Variants in SPON1 observed in about 807,000 individuals in gnomAD.
SPON1 encodes the protein spondin-1.
In SPON1, 52 loss-of-function variants were observed where a neutral mutation model predicts 111.7. That is an observed-to-expected ratio of 0.47 (90% CI 0.37 to 0.59). The LOEUF (loss-of-function observed/expected upper bound fraction) is 0.59. Ranked by LOEUF, SPON1 falls within the 20% of genes least tolerant of loss-of-function variation. The probability of loss-of-function intolerance (pLI) is 0.00; values close to 1 mark genes in which losing one functional copy is unlikely to be tolerated. For synonymous variants in SPON1, 410 were observed against 395.8 expected (o/e 1.04, Z -0.43); for missense variants, 957 against 1,068.5 (o/e 0.90, Z 1.46).
At chr11:14,226,849 G>A (rs191153118) in intron 6 of SPON1, among the ~76,000 whole-genome samples, 15 of 152,242 alleles carry the variant, frequency 9.9e-5, no homozygotes, top group East Asian at 9.7e-4. Flanking sequence ...TGGTTCCTTC[G>A]GGAGGCTCCA....
chr11:14,006,661 T>C (rs1205065153), intron 2 of SPON1, among the ~76,000 whole-genome samples: 1 of 152,160 alleles, frequency 6.6e-6, no homozygotes, highest in African/African-American at 2.4e-5. Context: ...CTTCCCTCCT[T>C]AGCTAAGCTC....
At chr11:14,238,042 AG>A (rs1490824383) in intron 6 of SPON1, among the ~76,000 whole-genome samples, 3 of 152,248 alleles carry the variant, frequency 2.0e-5, no homozygotes, top group Non-Finnish European at 4.4e-5. Context: ...TGTGTTTCTG[AG>A]GATTAAAACG....
chr11:14,253,735 T>A (rs1040307128), intron 7 of SPON1, among the ~76,000 whole-genome samples: 3 of 152,254 alleles, frequency 2.0e-5, no homozygotes, highest in African/African-American at 2.4e-5. Flanking sequence ...CCCTCCTAGC[T>A]GTGTCTATTA....
rs1468548983 is a variant in SPON1 at position 14,268,088 on chromosome 11, A to G, written c.*2401A>G. Among the ~76,000 whole-genome samples, 1 of 152,218 alleles carries G rather than the reference A, an allele frequency of 6.6e-6. No homozygotes were observed. The highest frequency in any genetic ancestry group is 2.4e-5 in the African/African-American group (1 of 41,464). ...AATGGGAATAAACCTGGGTTTCTAT[A>G]GACCCAGAACTGAAAAAATAAACAT... On this transcript the variant is annotated 3_prime_UTR_variant, in exon 16 of 16. Transcript: ENST00000576479.
chr11:14,076,540 A>T (rs1477089046), intron 4 of SPON1, among the ~76,000 whole-genome samples: 8 of 152,164 alleles, frequency 5.3e-5, no homozygotes, highest in Admixed American at 5.2e-4. Context: ...TATTTTATGG[A>T]TGAGGGGCCT....
intron 6 of SPON1, among the ~76,000 whole-genome samples, chr11:14,199,206 T>C (rs1356973325): frequency 6.6e-6 from 1 of 152,190 alleles, no homozygotes; most frequent in Non-Finnish European, 1.5e-5. Flanking sequence ...GTCCCCTAGA[T>C]ACTTTCTTAA....
At chr11:14,172,127 A>T (rs1346521082) in intron 6 of SPON1, among the ~76,000 whole-genome samples, 1 of 151,478 alleles carries the variant, frequency 6.6e-6, no homozygotes, top group African/African-American at 2.4e-5. Flanking sequence ...GTGGGAGTCT[A>T]AGTCTCTTTG....
intron 6 of SPON1, among the ~76,000 whole-genome samples, chr11:14,151,705 T>C (rs1847790137): frequency 6.6e-6 from 1 of 152,212 alleles, no homozygotes; most frequent in African/African-American, 2.4e-5. Context: ...AATTATAAAC[T>C]ATAAATCACA....
At chr11:14,149,150 C>A (rs1847758863) in intron 6 of SPON1, among the ~76,000 whole-genome samples, 2 of 152,028 alleles carry the variant, frequency 1.3e-5, no homozygotes. Context: ...GCATTGTTAT[C>A]CTAGAAGCTG....
intron 6 of SPON1, among the ~76,000 whole-genome samples, chr11:14,199,707 C>T (rs1848441030): frequency 2.6e-5 from 4 of 152,206 alleles, no homozygotes; most frequent in Admixed American, 2.6e-4. Flanking sequence ...TTTTCTCCTG[C>T]TAATGTGCAT....
chr11:14,023,572 T>C (rs1283970013), intron 2 of SPON1, among the ~76,000 whole-genome samples: 1 of 152,124 alleles, frequency 6.6e-6, no homozygotes, highest in Admixed American at 6.5e-5. Flanking sequence ...TTTTCTCAGC[T>C]ATGGATTTGT....
chr11:14,239,436 CAG>C (rs1848900364), intron 6 of SPON1, among the ~76,000 whole-genome samples: 1 of 152,104 alleles, frequency 6.6e-6, no homozygotes, highest in African/African-American at 2.4e-5. Flanking sequence ...TGCCAAAAAA[CAG>C]AGTTTGGCAG....
At chr11:14,010,616 G>A (rs1848396622) in intron 2 of SPON1, among the ~76,000 whole-genome samples, 3 of 152,222 alleles carry the variant, frequency 2.0e-5, no homozygotes, top group African/African-American at 7.2e-5. Flanking sequence ...CTGTGTGCAT[G>A]CTTATACGTG....
intron 10 of SPON1, among the ~76,000 whole-genome samples, chr11:14,257,077 G>A (rs1554941299): frequency 3.3e-5 from 5 of 152,118 alleles, no homozygotes; most frequent in Non-Finnish European, 7.4e-5. Flanking sequence ...AGGAGGGAGC[G>A]ACAGAGTCAT....
At chr11:14,233,899 A>G (rs942222518) in intron 6 of SPON1, among the ~76,000 whole-genome samples, 1 of 150,758 alleles carries the variant, frequency 6.6e-6, no homozygotes, top group Admixed American at 6.7e-5. Context: ...AGTAGCTGGG[A>G]TTACAGGTGC....
At chr11:14,240,838 T>C (rs960414873) in intron 6 of SPON1, among the ~76,000 whole-genome samples, 12 of 152,208 alleles carry the variant, frequency 7.9e-5, no homozygotes, top group African/African-American at 2.2e-4. Context: ...CAGGATCTGA[T>C]ATCTTGGATT....
At chr11:14,252,750 G>T (rs1403032811) in intron 7 of SPON1, among the ~76,000 whole-genome samples, 1 of 152,284 alleles carries the variant, frequency 6.6e-6, no homozygotes, top group African/African-American at 2.4e-5. Flanking sequence ...CTGAAGGCAG[G>T]CAGAAAGGCT....
chr11:14,143,322 G>T (rs183328620), intron 6 of SPON1, among the ~76,000 whole-genome samples: 8 of 152,288 alleles, frequency 5.3e-5, no homozygotes, highest in Admixed American at 2.6e-4. Flanking sequence ...AGTATTTTGG[G>T]AGGCTGAGGT....
intron 5 of SPON1, among the ~76,000 whole-genome samples, chr11:14,132,748 A>G (rs1847542205): frequency 6.6e-6 from 1 of 152,186 alleles, no homozygotes; most frequent in Non-Finnish European, 1.5e-5. Flanking sequence ...ATCTTATCAT[A>G]CATATTTCTT....
Sources: gnomAD v4.1 joint callset for allele counts (sites outside exome capture counted in the v4.1 genomes callset) on GRCh38, gnomAD v4.1.1 for gene constraint, MANE v1.5 for transcripts, NCBI Gene and HGNC (gene_info 2026-07-23, HGNC 2026-07-21) for gene names.